Variants in EYS observed in about 807,000 individuals in gnomAD.
The protein encoded by EYS is EGF-like photoreceptor maintenance factor.
EYS carries 250 observed loss-of-function variants against 282.1 expected under a neutral mutation model. The ratio of observed to expected loss-of-function variants is 0.89; its 90% CI spans 0.80 to 0.98. EYS has a LOEUF of 0.98. Ranked by LOEUF, EYS falls within the 50% of genes least tolerant of loss-of-function variation. EYS has a pLI of 0.00. For missense variants in EYS, 4,016 were observed against 3,709.0 expected (o/e 1.08, Z -2.15); for synonymous variants, 1,355 against 1,282.9 (o/e 1.06, Z -1.20).
intron 1 of EYS, among the ~76,000 whole-genome samples, chr6:65,662,988 A>G (rs909061261): frequency 6.6e-6 from 1 of 152,184 alleles, no homozygotes; most frequent in Non-Finnish European, 1.5e-5. Flanking sequence ...AGCGTATGTT[A>G]GGGTTTAGAG....
intron 12 of EYS, among the ~76,000 whole-genome samples, chr6:65,065,655 T>G (rs1773724115): frequency 6.6e-6 from 1 of 152,036 alleles, no homozygotes; most frequent in South Asian, 2.1e-4. Flanking sequence ...AGTGCTGGGA[T>G]TACAGGCGTG....
intron 13 of EYS, among the ~76,000 whole-genome samples, chr6:65,033,383 GC>G (rs1315222249): frequency 1.3e-5 from 2 of 152,140 alleles, no homozygotes; most frequent in East Asian, 1.9e-4. Context: ...TGGAAAACAT[GC>G]CTCGAAGGTA....
intron 12 of EYS, among the ~76,000 whole-genome samples, chr6:65,069,035 C>T (rs1053466843): frequency 6.6e-6 from 1 of 151,924 alleles, no homozygotes; most frequent in African/African-American, 2.4e-5. Flanking sequence ...ATTTAGGACT[C>T]GTAATCTTCA....
intron 13 of EYS, among the ~76,000 whole-genome samples, chr6:65,049,827 A>T (rs1773212644): frequency 6.6e-6 from 1 of 151,726 alleles, no homozygotes; most frequent in Non-Finnish European, 1.5e-5. Context: ...CTCTAAGTTT[A>T]CCAGACCTGT....
intron 12 of EYS, among the ~76,000 whole-genome samples, chr6:65,262,573 A>C (rs903171305): frequency 6.6e-6 from 1 of 152,094 alleles, no homozygotes; most frequent in African/African-American, 2.4e-5. Context: ...TCTGTACTTC[A>C]TCATATATAT....
intron 36 of EYS, among the ~76,000 whole-genome samples, chr6:63,810,084 A>G (rs932834275): frequency 3.3e-5 from 5 of 151,272 alleles, no homozygotes; most frequent in African/African-American, 9.7e-5. Context: ...TACTTTAAAA[A>G]AAAAAAAAAG....
At chr6:64,253,219 A>G (rs1283033764) in intron 30 of EYS, among the ~76,000 whole-genome samples, 1 of 152,174 alleles carries the variant, frequency 6.6e-6, no homozygotes, top group Non-Finnish European at 1.5e-5. Flanking sequence ...ACAACATTTT[A>G]ATAAAATATT....
rs546459865 is a variant in EYS, at chr6:65,310,189, CA to C, written c.1767-14071del. On this transcript the variant is annotated intron_variant, in intron 11 of 42. Transcript: ENST00000503581. ...TGAAACCTCATCTCTACTAAAAATA[CA>C]AAAATTAGTCAGGCAAGGTGGCATG... 2.2e-4 allele frequency among the ~76,000 whole-genome samples: 34 copies of C among 152,142 alleles called. No homozygotes were observed. In the South Asian group the frequency reaches 6.2e-3, roughly 28 times the overall value.
At chr6:64,485,646 G>A (rs893173399) in intron 26 of EYS, among the ~76,000 whole-genome samples, 1 of 151,306 alleles carries the variant, frequency 6.6e-6, no homozygotes, top group African/African-American at 2.4e-5. Context: ...ATTTCACTTA[G>A]AAAATCCTCT....
intron 2 of EYS, among the ~76,000 whole-genome samples, chr6:65,500,283 C>A (rs893287010): frequency 6.6e-6 from 1 of 151,968 alleles, no homozygotes; most frequent in African/African-American, 2.4e-5. Flanking sequence ...AGATGATAAA[C>A]AATCCTGGAG....
chr6:64,556,169 A>C (rs1643871376), intron 26 of EYS, among the ~76,000 whole-genome samples: 1 of 152,058 alleles, frequency 6.6e-6, no homozygotes. Flanking sequence ...TTGTCTTCAC[A>C]GAGACGTATG....
chr6:65,577,827 G>GA (rs1764729375), intron 2 of EYS, among the ~76,000 whole-genome samples: 1 of 150,840 alleles, frequency 6.6e-6, no homozygotes, highest in Admixed American at 6.6e-5. Flanking sequence ...GTTGGTATGT[G>GA]AAAAAAATGC....
At chr6:65,246,055 C>A (rs12216460) in intron 12 of EYS, among the ~76,000 whole-genome samples, 6,463 of 152,090 alleles carry the variant, frequency 0.042, 187 homozygotes, top group Middle Eastern at 0.065. Context: ...CAATCAAATG[C>A]AAAATAGCAA....
At chr6:65,313,767 G>A (rs1769225049) in intron 11 of EYS, among the ~76,000 whole-genome samples, 1 of 152,146 alleles carries the variant, frequency 6.6e-6, no homozygotes, top group Non-Finnish European at 1.5e-5. Context: ...TAGTCTCCCT[G>A]CTTCTGTTTT....
At chr6:64,817,643 C>T (rs1764777967) in intron 21 of EYS, among the ~76,000 whole-genome samples, 1 of 152,104 alleles carries the variant, frequency 6.6e-6, no homozygotes, top group Admixed American at 6.5e-5. Flanking sequence ...CTATTAGTCC[C>T]ATGTTTATCT....
intron 29 of EYS, among the ~76,000 whole-genome samples, chr6:64,324,039 C>A (rs1440847929): frequency 6.6e-6 from 1 of 152,134 alleles, no homozygotes; most frequent in Non-Finnish European, 1.5e-5. Flanking sequence ...GAACCCATCA[C>A]CCTAACTTTT....
At chr6:64,365,718 TAG>T (rs1449036387) in intron 29 of EYS, among the ~76,000 whole-genome samples, 2 of 152,036 alleles carry the variant, frequency 1.3e-5, no homozygotes, top group African/African-American at 4.8e-5. Flanking sequence ...ATTTATAAAT[TAG>T]ACACAATAAA....
At chr6:65,602,751 AT>A (rs1765654816) in intron 2 of EYS, among the ~76,000 whole-genome samples, 1 of 152,026 alleles carries the variant, frequency 6.6e-6, no homozygotes, top group African/African-American at 2.4e-5. Flanking sequence ...AAATATCTGA[AT>A]GAAAGAGTGA....
At chr6:65,296,228 A>G in intron 11 of EYS, 109 bp from the exon 12 acceptor site, 1 of 1,180,846 alleles carries the variant, frequency 8.5e-7, no homozygotes, top group South Asian at 1.7e-5. Context: ...ATATTTAATG[A>G]AGATAGTTGT....
Sources: gnomAD v4.1 joint callset for allele counts (sites outside exome capture counted in the v4.1 genomes callset) on GRCh38, gnomAD v4.1.1 for gene constraint, MANE v1.5 for transcripts, NCBI Gene and HGNC (gene_info 2026-07-23, HGNC 2026-07-21) for gene names.